Variants in NFATC2IP observed in about 807,000 individuals in gnomAD.
The protein encoded by NFATC2IP is nuclear factor of activated T cells 2 interacting protein.
NFATC2IP carries 25 observed loss-of-function variants against 40.2 expected under a neutral mutation model. The observed-to-expected ratio is 0.62, with a 90% CI of 0.45 to 0.87. NFATC2IP has a LOEUF of 0.87. Among genes scored for constraint, NFATC2IP ranks in the 40% least tolerant of loss-of-function variants. The probability of loss-of-function intolerance (pLI) is 0.00; values close to 1 mark genes in which losing one functional copy is unlikely to be tolerated. For missense variants in NFATC2IP, 553 were observed against 555.6 expected (o/e 1.00, Z 0.05); for synonymous variants, 241 against 236.3 (o/e 1.02, Z -0.18).
chr16:28,954,683 G>A lies in NFATC2IP; in HGVS notation c.578+1G>A, dbSNP rs1410243943. 6.3e-7 allele frequency: 1 copy of A among 1,599,124 alleles called. No individual in the cohort carries two copies. The highest frequency in any genetic ancestry group is 8.6e-7 in the Non-Finnish European group (1 of 1,166,794). On this transcript the variant is annotated splice_donor_variant, in intron 3 of 7. Transcript: ENST00000320805. LOFTEE classifies it high-confidence loss of function. ...AAGAGAAGAAAAAGACAGAGTTTCT[G>A]TGAGTGAGGCCAGGGCCCTTGGGCC...
rs981233147 is a variant in NFATC2IP at position 28,951,195 on chromosome 16, G to A, written c.184G>A (p.Ala62Thr). The A allele has an allele frequency of 2.6e-6, 4 of 1,538,474 alleles. No individual in the cohort carries two copies. The highest frequency in any genetic ancestry group is 3.5e-6 in the Non-Finnish European group (4 of 1,140,298). ...TDSDEEILEV[A>T]TARGAADEVE... Reference sequence around the variant, plus strand: ...CAGCGATGAGGAAATTCTGGAGGTCGCCACCGCTCGCGGTGCCGCGGACGA... The same window carrying A: ...CAGCGATGAGGAAATTCTGGAGGTCACCACCGCTCGCGGTGCCGCGGACGA... The change falls in exon 1 of 8, where the codon GCC (alanine) becomes ACC (threonine). Residue 62 changes from alanine (A) to threonine (T), a missense_variant. Coordinates refer to ENST00000320805, the MANE Select transcript of NFATC2IP (RefSeq NM_032815.4).
intron 7 of NFATC2IP, among the ~76,000 whole-genome samples, chr16:28,961,477 CAT>C (rs1480227196): frequency 6.6e-6 from 1 of 151,810 alleles, no homozygotes; most frequent in African/African-American, 2.4e-5. Context: ...CTTAAAACAA[CAT>C]AAATTTATTC....
At chr16:28,958,189 C>T (rs1371089966) in intron 5 of NFATC2IP, among the ~76,000 whole-genome samples, 1 of 151,812 alleles carries the variant, frequency 6.6e-6, no homozygotes, top group Non-Finnish European at 1.5e-5. Context: ...GTGGCTCACA[C>T]CTGTTATCCC....
chr16:28,962,479 C>T (rs1376969194), intron 7 of NFATC2IP, among the ~76,000 whole-genome samples: 1 of 152,048 alleles, frequency 6.6e-6, no homozygotes, highest in Non-Finnish European at 1.5e-5. Context: ...AAACCATGGG[C>T]TATTGGTGGT....
At chr16:28,959,693 C>A (rs1184777136) in intron 7 of NFATC2IP, among the ~76,000 whole-genome samples, 1 of 151,398 alleles carries the variant, frequency 6.6e-6, no homozygotes, top group African/African-American at 2.4e-5. Flanking sequence ...CTTTCCTCAG[C>A]CTCCCGTGTA....
In NFATC2IP at chr16:28,952,167, A is replaced by G. The variant is rs571080505; in HGVS notation, c.423A>G (p.Leu141=). The change falls in exon 2 of 8, where the codon CTA becomes CTG. Residue 141 remains leucine, a synonymous_variant. Coordinates refer to ENST00000320805, the MANE Select transcript of NFATC2IP (RefSeq NM_032815.4). ...KSSLRLIPDD[L]SLLKLYPPGD... is the part of the protein sequence containing the mutation. ...GCCTTCGCCTTATCCCAGATGATCTATCCCTCCTGAAACTCTACCCTCCAG... is the reference window on the plus strand; with the variant it reads ...GCCTTCGCCTTATCCCAGATGATCTGTCCCTCCTGAAACTCTACCCTCCAG... 4 of 1,613,874 alleles carry G rather than the reference A, an allele frequency of 2.5e-6. No individual in the cohort carries two copies. The African/African-American group carries it at 4.0e-5, about 16-fold the overall frequency.
chr16:28,958,584 G>C lies in NFATC2IP; in HGVS notation c.847-133G>C, dbSNP rs754721949. On this transcript the variant is annotated intron_variant, in intron 5 of 7. Transcript: ENST00000320805. ...CACGATTTTATTCTATACCTTGCCA[G>C]GTAAATATGATGAAACTCACAGCTG... The C allele has an allele frequency of 2.4e-5, 18 of 763,716 alleles. No individual in the cohort carries two copies. In the African/African-American group the frequency reaches 3.1e-4, roughly 13 times the overall value. The allele number at this position is 763,716 out of a possible 1,614,324, so 47.3% of individuals were successfully genotyped here.
chr16:28,954,077 G>A (rs905352080), intron 2 of NFATC2IP, among the ~76,000 whole-genome samples: 8 of 151,994 alleles, frequency 5.3e-5, no homozygotes, highest in Non-Finnish European at 1.0e-4. Context: ...AAAGTTTAGC[G>A]GCATCCTGAC....
chr16:28,955,926 TG>T, intron 3 of NFATC2IP, 51 bp from the exon 4 acceptor site: 1 of 1,351,086 alleles, frequency 7.4e-7, no homozygotes. Flanking sequence ...CTAGGATTTG[TG>T]GGGCCAGTCT....
In NFATC2IP at chr16:28,964,877, CT is replaced by C. The variant is rs1247842107; in HGVS notation, c.*1015del. The C allele has an allele frequency of 2.6e-5, 4 of 152,358 alleles. No homozygotes were observed. The East Asian group carries it at 5.8e-4, about 22-fold the overall frequency. 9.4% of individuals were successfully genotyped at this position (152,358 alleles called of 1,614,324 possible). Reference sequence around the variant, plus strand: ...TAAAGTGGGGGACACCTGGGTGCCCCTGACCCCTTGGCACCGGATACAGGCC... The same window carrying C: ...TAAAGTGGGGGACACCTGGGTGCCCCGACCCCTTGGCACCGGATACAGGCC... On this transcript the variant is annotated 3_prime_UTR_variant, in exon 8 of 8. Transcript: ENST00000320805.
At position 28,956,193 on chromosome 16, in the gene NFATC2IP, C is replaced by T. The variant is rs2141642093; in HGVS notation, c.702C>T (p.Ser234=). The change falls in exon 5 of 8, where the codon AGC becomes AGT. Residue 234 remains serine (S), a synonymous_variant. Transcript: ENST00000320805. ...TCCAGGATCTCCGTTCCTGTCTGAG[C>T]CCCAAGCCACCTCAGGGTCAAGAGC... ...KRLQDLRSCL[S]PKPPQGQEQQ... The T allele has an allele frequency of 1.2e-6, 2 of 1,613,984 alleles. No individual in the cohort carries two copies.
rs1596730286 is a variant in NFATC2IP at position 28,958,843 on chromosome 16, G to A, written c.973G>A (p.Gly325Arg). 1.4e-5 allele frequency: 22 copies of A among 1,613,986 alleles called. No homozygotes were observed. Among genetic ancestry groups the A allele is most frequent in the Non-Finnish European group, 1.6e-5 (19 of 1,179,960 alleles). The change falls in exon 6 of 8, where the codon GGA becomes AGA. Residue 325 changes from glycine to arginine, a missense_variant. Physicochemically the swap from Gly to Arg is moderately radical, Grantham distance 125 (BLOSUM62 -2). Transcript: ENST00000320805. Reference protein sequence around the residue: ...PTATPRTLKLGVADIIDCVVL... With the variant: ...PTATPRTLKLRVADIIDCVVL... ...TGCCACTCCCAGGACCCTAAAGCTC[G>A]GAGTGGCTGACATCATTGGTGAGAG...
intron 5 of NFATC2IP, chr16:28,956,607 A>G (rs565198186): frequency 1.4e-5 from 6 of 440,060 alleles, no homozygotes; most frequent in South Asian, 1.2e-4. Context: ...TTTTCCTTCA[A>G]AAAGTGGTCT....
Position 28,954,547 on chromosome 16 carries a change from C to T in NFATC2IP, c.461-18C>T, listed in dbSNP as rs375727674. 3.5e-5 allele frequency: 55 copies of T among 1,569,144 alleles called. No homozygotes were observed. The African/African-American group carries it at 6.2e-4, about 18-fold the overall frequency. ...CCCTTGGATAACCCCCTTCTACCTTCTCTTCCTCTGCCCCCAGAGGCAGAG... is the reference window on the plus strand; with the variant it reads ...CCCTTGGATAACCCCCTTCTACCTTTTCTTCCTCTGCCCCCAGAGGCAGAG... On this transcript the variant is annotated intron_variant, in intron 2 of 7. Transcript: ENST00000320805.
intron 7 of NFATC2IP, among the ~76,000 whole-genome samples, chr16:28,963,165 A>G (rs994768829): frequency 2.0e-5 from 3 of 152,188 alleles, no homozygotes; most frequent in South Asian, 2.1e-4. Flanking sequence ...ACTCGTCCCA[A>G]TCCAGTACAA....
Position 28,965,643 on chromosome 16 carries a change from A to G in NFATC2IP, c.*1780A>G, listed in dbSNP as rs1965137328. ...AGGAGGCGGAGATTGCAGTGAGCCA[A>G]GGTTCCACCACTGCACTCCAGCCTG... On this transcript the variant is annotated 3_prime_UTR_variant, in exon 8 of 8. Coordinates refer to ENST00000320805, the MANE Select transcript of NFATC2IP (RefSeq NM_032815.4). 1 of 152,116 alleles carries G rather than the reference A, an allele frequency of 6.6e-6. No individual in the cohort carries two copies. The highest frequency in any genetic ancestry group is 2.4e-5 in the African/African-American group (1 of 41,376). 9.4% of individuals were successfully genotyped at this position (152,116 alleles called of 1,614,324 possible).
chr16:28,956,659 T>G (rs973889299), intron 5 of NFATC2IP: 1 of 267,942 alleles, frequency 3.7e-6, no homozygotes, highest in Admixed American at 4.9e-5. Flanking sequence ...GCTCAAGTGA[T>G]CGTCCCTCAT....
Position 28,958,741 on chromosome 16 carries a change from G to T in NFATC2IP, c.871G>T (p.Asp291Tyr). Residue 291 changes from aspartate to tyrosine, a missense_variant, in exon 6 of 8, where the codon GAC becomes TAC. Physicochemically the swap from Asp to Tyr is radical, Grantham distance 160. Transcript: ENST00000320805. ...RMSEPLQSVV[D>Y]HMATHLGVSP... ...GTCGGAGCCCCTGCAGAGTGTGGTG[G>T]ACCACATGGCCACCCACCTTGGGGT... 3 of 1,613,714 alleles carry T rather than the reference G, an allele frequency of 1.9e-6. No individual in the cohort carries two copies. Among genetic ancestry groups the T allele is most frequent in the East Asian group, 2.2e-5 (1 of 44,866 alleles).
intron 3 of NFATC2IP, among the ~76,000 whole-genome samples, chr16:28,955,710 C>T (rs111313181): frequency 0.017 from 2,534 of 152,170 alleles, 62 homozygotes; most frequent in African/African-American, 0.057. Flanking sequence ...GCGACCCTCC[C>T]ACCTCAGCCT....
Sources: gnomAD v4.1 joint callset for allele counts (sites outside exome capture counted in the v4.1 genomes callset) on GRCh38, gnomAD v4.1.1 for gene constraint, MANE v1.5 for transcripts, NCBI Gene and HGNC (gene_info 2026-07-23, HGNC 2026-07-21) for gene names.